DENND5A: variants seen among roughly 807,000 people sequenced by gnomAD.
DENND5A encodes DENN domain containing 5A, also known as DENN domain-containing protein 5A.
In DENND5A, 64 loss-of-function variants were observed where a neutral mutation model predicts 140.3. The observed-to-expected ratio is 0.46, with a 90% CI of 0.37 to 0.56. DENND5A has a LOEUF of 0.56. DENND5A is among the 20% of genes least tolerant of loss of function. The pLI, the probability that DENND5A is intolerant of heterozygous loss-of-function variation, is 0.00. For missense variants in DENND5A, 1,292 were observed against 1,593.8 expected (o/e 0.81, Z 3.22); for synonymous variants, 605 against 607.7 (o/e 1.00, Z 0.07).
At chr11:9,220,815 C>T (rs1196132110) in intron 1 of DENND5A, among the ~76,000 whole-genome samples, 1 of 151,968 alleles carries the variant, frequency 6.6e-6, no homozygotes, top group Non-Finnish European at 1.5e-5. Context: ...ATTGCTTGAA[C>T]CTGGGAGGCA....
chr11:9,193,614 A>G lies in DENND5A; in HGVS notation c.1017T>C (p.His339=), dbSNP rs532637800. 1.2e-5 allele frequency: 20 copies of G among 1,614,124 alleles called. No homozygotes were observed. The African/African-American group carries it at 1.9e-4, about 15-fold the overall frequency. Residue 339 remains histidine (H), a synonymous_variant, in exon 5 of 23, where the codon CAT becomes CAC. Coordinates refer to ENST00000328194, the MANE Select transcript of DENND5A (RefSeq NM_015213.4). The part of the protein sequence containing the change: ...TALMFPFQWQ[H]VYVPILPASL... ...AAGCTGGGAGAATAGGGACATAGAC[A>G]TGCTGCCACTGGAAAGGAAACATGA...
rs567682507 is a variant in DENND5A at position 9,205,784 on chromosome 11, CT to C, written c.291+888del. 3.7e-3 allele frequency among the ~76,000 whole-genome samples: 567 copies of C among 152,248 alleles called. 2 individuals carry two copies. Among genetic ancestry groups the C allele is most frequent in the African/African-American group, 0.013 (536 of 41,550 alleles). ...TAGTGTCGTGCACCAGTAGTCCCAG[CT>C]ACTCGGGTGGCTGAGGTGGGAGGAT... On this transcript the variant is annotated intron_variant, in intron 3 of 22. Coordinates refer to ENST00000328194, the MANE Select transcript of DENND5A (RefSeq NM_015213.4).
Position 9,252,093 on chromosome 11 carries a change from A to C in DENND5A, c.109+12868T>G, listed in dbSNP as rs193134212. On this transcript the variant is annotated intron_variant, in intron 1 of 22. Transcript: ENST00000328194. Reference sequence around the variant, plus strand: ...GGCGGGCGGATCACGAGGTCCAGAGATGGAGACCATTCTGGCTAACATGGT... The same window carrying C: ...GGCGGGCGGATCACGAGGTCCAGAGCTGGAGACCATTCTGGCTAACATGGT... 4.1e-3 allele frequency among the ~76,000 whole-genome samples: 615 copies of C among 150,636 alleles called. 5 individuals are homozygous for C. Among genetic ancestry groups the C allele is most frequent in the Non-Finnish European group, 5.1e-3 (346 of 67,656 alleles).
At chr11:9,187,080 T>A (rs1483957488) in intron 5 of DENND5A, among the ~76,000 whole-genome samples, 1 of 151,796 alleles carries the variant, frequency 6.6e-6, no homozygotes, top group Non-Finnish European at 1.5e-5. Context: ...CAAGACTCCA[T>A]CTCAAACAAA....
chr11:9,140,182 C>T, intron 22 of DENND5A: 1 of 1,367,870 alleles, frequency 7.3e-7, no homozygotes, highest in Non-Finnish European at 9.6e-7. Flanking sequence ...TAATAATAAG[C>T]ACTAACCTCA....
chr11:9,219,124 G>C (rs1237784672), intron 1 of DENND5A, among the ~76,000 whole-genome samples: 1 of 151,886 alleles, frequency 6.6e-6, no homozygotes, highest in African/African-American at 2.4e-5. Context: ...AAAAAGCGAA[G>C]AGAAAAAATA....
chr11:9,255,025 C>T (rs982401088), intron 1 of DENND5A, among the ~76,000 whole-genome samples: 2 of 151,822 alleles, frequency 1.3e-5, no homozygotes, highest in Non-Finnish European at 2.9e-5. Flanking sequence ...GAGCCAAGAT[C>T]GTGCTACTGC....
intron 1 of DENND5A, among the ~76,000 whole-genome samples, chr11:9,255,874 A>C (rs1386798901): frequency 1.3e-5 from 2 of 151,758 alleles, no homozygotes; most frequent in Non-Finnish European, 2.9e-5. Flanking sequence ...AAAAAAAAAA[A>C]AAAAATCCAG....
intron 8 of DENND5A, chr11:9,171,154 C>A: frequency 4.9e-6 from 1 of 204,400 alleles, no homozygotes. Context: ...TTCATATGAA[C>A]AGTACCAGAG....
chr11:9,242,541 G>C (rs148846984), intron 1 of DENND5A: 1 of 152,102 alleles, frequency 6.6e-6, no homozygotes, highest in Non-Finnish European at 1.5e-5. Context: ...TTAGAGACAG[G>C]GAGAACAGGC....
chr11:9,159,959 G>A (rs1847924324), intron 12 of DENND5A, among the ~76,000 whole-genome samples: 1 of 152,176 alleles, frequency 6.6e-6, no homozygotes, highest in African/African-American at 2.4e-5. Flanking sequence ...GTGGAAGATT[G>A]TTGCTATACC....
chr11:9,208,211 T>C (rs1294324741), intron 1 of DENND5A, among the ~76,000 whole-genome samples: 5 of 152,172 alleles, frequency 3.3e-5, no homozygotes, highest in East Asian at 3.9e-4. Flanking sequence ...GTGTCAAATA[T>C]ACAGGAAAAA....
At chr11:9,220,050 T>A (rs368520124) in intron 1 of DENND5A, among the ~76,000 whole-genome samples, 1 of 152,126 alleles carries the variant, frequency 6.6e-6, no homozygotes, top group African/African-American at 2.4e-5. Context: ...TGAAGAGAGA[T>A]TGGTTTTGTT....
intron 1 of DENND5A, among the ~76,000 whole-genome samples, chr11:9,260,477 C>T (rs185575229): frequency 2.0e-5 from 3 of 152,286 alleles, no homozygotes; most frequent in East Asian, 3.9e-4. Context: ...TGCCTCCCCA[C>T]TTACGATGTG....
intron 1 of DENND5A, among the ~76,000 whole-genome samples, chr11:9,227,830 G>T (rs1850594219): frequency 6.6e-6 from 1 of 151,872 alleles, no homozygotes; most frequent in African/African-American, 2.4e-5. Flanking sequence ...AATGAGGCCA[G>T]GCACTGTGGC....
rs757209054 is a variant in DENND5A, at chr11:9,145,057, C to A, written c.3060G>T (p.Leu1020=). The A allele has an allele frequency of 8.7e-6, 14 of 1,614,056 alleles. No individual in the cohort carries two copies. Among genetic ancestry groups the A allele is most frequent in the Non-Finnish European group, 1.2e-5 (14 of 1,180,010 alleles). The part of the protein sequence containing the change: ...TVQIGHDNSG[L]YAKWLVEYVM... Reference sequence around the variant, plus strand: ...CATACTCCACCAGCCATTTGGCATACAGCCCAGAGTTATCATGGCCAATCT... The same window carrying A: ...CATACTCCACCAGCCATTTGGCATAAAGCCCAGAGTTATCATGGCCAATCT... Residue 1020 remains leucine, a synonymous_variant, in exon 18 of 23, where the codon CTG becomes CTT. Coordinates refer to ENST00000328194, the MANE Select transcript of DENND5A (RefSeq NM_015213.4).
intron 1 of DENND5A, among the ~76,000 whole-genome samples, chr11:9,211,827 G>C (rs974808919): frequency 5.3e-5 from 8 of 151,696 alleles, no homozygotes; most frequent in African/African-American, 1.9e-4. Context: ...AGTTACTGGG[G>C]AGGCTGAGGC....
At chr11:9,175,675 T>C in intron 8 of DENND5A, 1 of 152,058 alleles carries the variant, frequency 6.6e-6, no homozygotes, top group East Asian at 1.9e-4. Context: ...AATCCAGAAG[T>C]AGACGAACAC....
intron 1 of DENND5A, among the ~76,000 whole-genome samples, chr11:9,257,826 T>G (rs1268395213): frequency 7.0e-6 from 1 of 142,138 alleles, no homozygotes; most frequent in Non-Finnish European, 1.5e-5. Flanking sequence ...AAGGTCTCAC[T>G]TTGTTGCCCA....
Sources: gnomAD v4.1 joint callset for allele counts (sites outside exome capture counted in the v4.1 genomes callset) on GRCh38, gnomAD v4.1.1 for gene constraint, MANE v1.5 for transcripts, NCBI Gene and HGNC (gene_info 2026-07-23, HGNC 2026-07-21) for gene names.